The following MOB3B variants were observed in gnomAD, a reference collection of about 807,000 sequenced individuals.
The protein encoded by MOB3B is MOB kinase activator 3B.
A neutral mutation model predicts 18.7 loss-of-function variants in MOB3B; 7 were observed. That is an observed-to-expected ratio of 0.37 (90% CI 0.21 to 0.70). MOB3B has a LOEUF of 0.70. Ranked by LOEUF, MOB3B falls within the 30% of genes least tolerant of loss-of-function variation. The pLI, the probability that MOB3B is intolerant of heterozygous loss-of-function variation, is 0.52. For synonymous variants in MOB3B, 111 were observed against 99.9 expected (o/e 1.11, Z -0.66); for missense variants, 253 against 281.3 (o/e 0.90, Z 0.72).
chr9:27,496,804 C>T (rs1819907897), intron 1 of MOB3B, among the ~76,000 whole-genome samples: 1 of 152,240 alleles, frequency 6.6e-6, no homozygotes, highest in South Asian at 2.1e-4. Context: ...AGCACTCCTA[C>T]AGCCTCATTA....
intron 2 of MOB3B, among the ~76,000 whole-genome samples, chr9:27,416,268 T>C (rs1199954954): frequency 6.6e-6 from 1 of 152,112 alleles, no homozygotes; most frequent in Non-Finnish European, 1.5e-5. Context: ...AAGGATCAGT[T>C]AACAAGAGAA....
At chr9:27,355,562 C>CTT (rs11339453) in intron 3 of MOB3B, among the ~76,000 whole-genome samples, 69 of 132,010 alleles carry the variant, frequency 5.2e-4, no homozygotes, top group African/African-American at 1.5e-3. Flanking sequence ...TCTTTTTCTT[C>CTT]TTTTTTTTTT....
chr9:27,449,982 A>AT (rs1698320733), intron 2 of MOB3B, among the ~76,000 whole-genome samples: 1 of 137,578 alleles, frequency 7.3e-6, no homozygotes, highest in Non-Finnish European at 1.6e-5. Context: ...TGTCTCAAAA[A>AT]TTAAAAAAAA....
chr9:27,516,592 T>C (rs774352), intron 1 of MOB3B, among the ~76,000 whole-genome samples: 44,349 of 152,082 alleles, frequency 0.29, 6,608 homozygotes, highest in Middle Eastern at 0.36. Context: ...TGGGCAAAGA[T>C]GCAGAGACAA....
intron 2 of MOB3B, among the ~76,000 whole-genome samples, chr9:27,430,010 C>T (rs778955579): frequency 5.9e-5 from 9 of 152,188 alleles, no homozygotes; most frequent in Non-Finnish European, 1.0e-4. Context: ...TTTGCTCCAA[C>T]AGAGTTCCCT....
chr9:27,429,820 G>C (rs1273148737), intron 2 of MOB3B, among the ~76,000 whole-genome samples: 3 of 152,148 alleles, frequency 2.0e-5, no homozygotes, highest in Non-Finnish European at 4.4e-5. Context: ...GCCCCTCAAA[G>C]GATAAGCACT....
intron 3 of MOB3B, among the ~76,000 whole-genome samples, chr9:27,333,480 T>C (rs576731560): frequency 2.0e-5 from 3 of 152,046 alleles, no homozygotes; most frequent in Admixed American, 6.6e-5. Context: ...GTGGCCAAAA[T>C]AGCTTCTACC....
intron 2 of MOB3B, among the ~76,000 whole-genome samples, chr9:27,386,111 T>C (rs973543754): frequency 3.3e-5 from 5 of 152,220 alleles, no homozygotes; most frequent in Non-Finnish European, 5.9e-5. Context: ...AGGCAGCTCA[T>C]AGAAGACACT....
chr9:27,524,351 T>C lies in MOB3B; in HGVS notation c.-199+5204A>G, dbSNP rs139562338. On this transcript the variant is annotated intron_variant, in intron 1 of 3. Coordinates refer to ENST00000262244, the MANE Select transcript of MOB3B (RefSeq NM_024761.5). ...TTGCAAAAAAAATGAGCACCAAACC[T>C]GATATGATTCAAAAGTGTTTGTGGC... The C allele has an allele frequency of 1.2e-5, 20 of 1,612,050 alleles. No homozygotes were observed. In the African/African-American group the frequency reaches 2.7e-4, roughly 22 times the overall value.
chr9:27,528,133 C>T (rs1820465052), intron 1 of MOB3B, among the ~76,000 whole-genome samples: 1 of 152,220 alleles, frequency 6.6e-6, no homozygotes, highest in African/African-American at 2.4e-5. Context: ...CCGGAGTGAA[C>T]CACCACACTA....
At chr9:27,483,852 G>A (rs760861437) in intron 1 of MOB3B, among the ~76,000 whole-genome samples, 31 of 152,306 alleles carry the variant, frequency 2.0e-4, no homozygotes, top group Non-Finnish European at 3.5e-4. Context: ...GGCAGAGGGT[G>A]TGTCACAGCT....
At chr9:27,432,137 A>G (rs1822426439) in intron 2 of MOB3B, among the ~76,000 whole-genome samples, 2 of 152,262 alleles carry the variant, frequency 1.3e-5, no homozygotes, top group African/African-American at 4.8e-5. Flanking sequence ...GCTATCTATT[A>G]TTAAAATGGT....
chr9:27,345,161 G>A (rs34778846), intron 3 of MOB3B, among the ~76,000 whole-genome samples: 1 of 152,078 alleles, frequency 6.6e-6, no homozygotes, highest in African/African-American at 2.4e-5. Flanking sequence ...CCTCCCCCAA[G>A]CCCACACACA....
intron 3 of MOB3B, among the ~76,000 whole-genome samples, chr9:27,345,678 G>A (rs1022455556): frequency 1.3e-5 from 2 of 152,212 alleles, no homozygotes; most frequent in Non-Finnish European, 2.9e-5. Flanking sequence ...CTCCTTGAGG[G>A]CAGTAGTCAT....
rs191436194 is a variant in MOB3B at position 27,504,912 on chromosome 9, C to T, written c.-199+24643G>A. On this transcript the variant is annotated intron_variant, in intron 1 of 3. Transcript: ENST00000262244. ...TGCCTTTTCTAGCTTCTGGAGGCTG[C>T]CTGCATTCCTTGACTTGTGGCCCCA... 9.7e-4 allele frequency among the ~76,000 whole-genome samples: 147 copies of T among 152,242 alleles called. 1 individual carries two copies. The highest frequency in any genetic ancestry group is 1.6e-3 in the Non-Finnish European group (108 of 68,002).
intron 2 of MOB3B, among the ~76,000 whole-genome samples, chr9:27,390,066 T>C (rs1293435927): frequency 6.6e-6 from 1 of 152,154 alleles, no homozygotes; most frequent in African/African-American, 2.4e-5. Context: ...TATATATATA[T>C]AAAATATATA....
At chr9:27,384,440 A>G (rs1821623003) in intron 2 of MOB3B, among the ~76,000 whole-genome samples, 2 of 152,118 alleles carry the variant, frequency 1.3e-5, no homozygotes, top group African/African-American at 4.8e-5. Flanking sequence ...AGTAATTCAA[A>G]CAATCTCAAT....
At chr9:27,486,092 G>T (rs531767259) in intron 1 of MOB3B, among the ~76,000 whole-genome samples, 10 of 151,798 alleles carry the variant, frequency 6.6e-5, no homozygotes, top group African/African-American at 2.4e-4. Context: ...TACAAATTGT[G>T]CTGTGTGCCA....
At chr9:27,390,614 C>A (rs1821714425) in intron 2 of MOB3B, among the ~76,000 whole-genome samples, 1 of 152,212 alleles carries the variant, frequency 6.6e-6, no homozygotes, top group South Asian at 2.1e-4. Context: ...ATCACAGAGC[C>A]TGCAATCAGG....
Sources: allele counts gnomAD v4.1 joint callset (sites outside exome capture counted in the v4.1 genomes callset), GRCh38; gene constraint gnomAD v4.1.1; transcripts MANE v1.5; gene names NCBI Gene and HGNC (gene_info 2026-07-23, HGNC 2026-07-21).